The following NLRP13 variants were observed in gnomAD, a reference collection of about 807,000 sequenced individuals.
NLRP13 encodes the protein NLR family pyrin domain containing 13, also known as NACHT, LRR and PYD domains-containing protein 13.
A neutral mutation model predicts 94.4 loss-of-function variants in NLRP13; 82 were observed. The ratio of observed to expected loss-of-function variants is 0.87; its 90% confidence interval spans 0.73 to 1.04. NLRP13 has a LOEUF of 1.04. NLRP13 is among the 50% of genes least tolerant of loss of function. The pLI, the probability that NLRP13 is intolerant of heterozygous loss-of-function variation, is 0.00. For synonymous variants in NLRP13, 553 were observed against 464.7 expected, an observed-to-expected ratio of 1.19 and a Z score of -2.45; for missense variants, 1,426 against 1,230.8, an observed-to-expected ratio of 1.16 and a Z score of -2.37.
At chr19:55,923,852 C>T (rs1986901499) in intron 4 of NLRP13, 62 bp downstream of exon 4, 1 of 1,200,200 alleles carries the variant, frequency 8.3e-7, no homozygotes, top group Admixed American at 1.7e-5. Flanking sequence ...CTACTATGGA[C>T]CTAGTGAAAC....
At chr19:55,925,969 C>T (rs367978281) in intron 1 of NLRP13, among the ~76,000 whole-genome samples, 92 of 152,174 alleles carry the variant, frequency 6.0e-4, no homozygotes, top group Middle Eastern at 6.8e-3. Context: ...CTGAGCCCTA[C>T]GTCCACATAT....
At chr19:55,895,813 C>T (rs969465550), downstream of NLRP13, 48 of 952,262 alleles carry the variant, frequency 5.0e-5, 1 homozygote, top group Non-Finnish European at 2.4e-5. Context: ...CACTCCCACC[C>T]TTACTGGAAG....
In NLRP13 at chr19:55,910,618, C is replaced by T. The variant is rs1182012652; in HGVS notation, c.2227G>A (p.Val743Met). The change falls in exon 6 of 11, where the codon GTG becomes ATG. Residue 743 changes from valine to methionine, a missense_variant. Val to Met is a conservative substitution (Grantham distance 21). Coordinates refer to ENST00000342929, the MANE Select transcript of NLRP13 (RefSeq NM_176810.2). ...LSNSKLHASS[V>M]KGLCLALKNP... The stretch of plus-strand genomic sequence containing the variant: ...TTCAGTGCAAGACAGAGACCCTTCA[C>T]AGAGGAAGCATGAAGTTTGCTGTTA... The T allele has an allele frequency of 6.2e-7, 1 of 1,613,586 alleles. No individual in the cohort carries two copies. The highest frequency in any genetic ancestry group is 8.5e-7 in the Non-Finnish European group (1 of 1,179,672).
In NLRP13 at chr19:55,928,468, G is replaced by GAC. The variant is rs563152824; in HGVS notation, c.320-3435_320-3434dup. ...AACAGGATAAATGCTTGAGGTGATG[G>GAC]ACACACTCCATTTACCCCTGTGACT... is the stretch of plus-strand genomic sequence containing the variant. On this transcript the variant is annotated intron_variant, in intron 1 of 10. Transcript: ENST00000342929. Among the ~76,000 whole-genome samples, 8 of 152,126 alleles carry GAC rather than the reference G, an allele frequency of 5.3e-5. No homozygotes were observed. In the South Asian group the frequency reaches 1.2e-3, roughly 24 times the overall value.
intron 5 of NLRP13, 47 bp downstream of exon 5, chr19:55,911,659 T>G: frequency 4.4e-5 from 66 of 1,508,800 alleles, no homozygotes; most frequent in Non-Finnish European, 5.5e-5. Flanking sequence ...GCACAGAGCC[T>G]GAGAAAACAG....
intron 4 of NLRP13, among the ~76,000 whole-genome samples, chr19:55,915,235 G>T (rs1986647270): frequency 6.6e-6 from 1 of 152,144 alleles, no homozygotes; most frequent in Non-Finnish European, 1.5e-5. Flanking sequence ...AGTAAGTGTT[G>T]TGGATTAAGG....
chr19:55,912,253 G>A lies in NLRP13; in HGVS notation c.1564C>T (p.Leu522Phe), dbSNP rs1206944361. ...FIDSLYEFNI[L>F]QKINDCGGCT... ...CCCCCACAGTCATTGATCTTTTGAA[G>A]AATATTGAACTCGTAGAGAGAATCA... Residue 522 changes from leucine (L) to phenylalanine (F), a missense_variant, in exon 5 of 11, where the codon CTT (leucine) becomes TTT (phenylalanine). Leu to Phe is a conservative substitution (Grantham distance 22). Coordinates refer to ENST00000342929, the MANE Select transcript of NLRP13 (RefSeq NM_176810.2). The A allele has an allele frequency of 4.3e-6, 7 of 1,614,110 alleles. No individual in the cohort carries two copies. Among genetic ancestry groups the A allele is most frequent in the Non-Finnish European group, 5.9e-6 (7 of 1,179,998 alleles).
chr19:55,897,502 T>C (rs1046865910), intron 10 of NLRP13, among the ~76,000 whole-genome samples: 3 of 151,900 alleles, frequency 2.0e-5, no homozygotes, highest in Non-Finnish European at 4.4e-5. Flanking sequence ...TGAGACCCCA[T>C]CAAAACAAAC....
intron 10 of NLRP13, among the ~76,000 whole-genome samples, chr19:55,897,270 A>C (rs530487725): frequency 6.6e-6 from 1 of 152,222 alleles, no homozygotes; most frequent in African/African-American, 2.4e-5. Flanking sequence ...AGTAATCCCA[A>C]CACTTTGGGA....
chr19:55,921,346 C>G (rs953753617), intron 4 of NLRP13, among the ~76,000 whole-genome samples: 2 of 152,122 alleles, frequency 1.3e-5, no homozygotes, highest in African/African-American at 2.4e-5. Flanking sequence ...CCCACAATAT[C>G]ATAACGGATG....
Position 55,910,654 on chromosome 19 carries a change from G to C in NLRP13, c.2191C>G (p.Leu731Val). 6.2e-7 allele frequency: 1 copy of C among 1,613,978 alleles called. No homozygotes were observed. ...TGAAGTTTGCTGTTACTCAGGTCTA[G>C]CTCATGCAGATTCTCATTTGTGACC... The part of the protein sequence containing the change: ...TLVTNENLHE[L>V]DLSNSKLHAS... The change falls in exon 6 of 11, where the codon CTA becomes GTA. Residue 731 changes from leucine to valine, a missense_variant. Transcript: ENST00000342929.
chr19:55,929,766 A>G (rs1987062512), intron 1 of NLRP13, among the ~76,000 whole-genome samples: 2 of 152,240 alleles, frequency 1.3e-5, no homozygotes, highest in Admixed American at 1.3e-4. Flanking sequence ...TAAAACTTGA[A>G]GTATAATAAA....
chr19:55,904,242 T>C (rs781546594), intron 8 of NLRP13, among the ~76,000 whole-genome samples: 1 of 152,062 alleles, frequency 6.6e-6, no homozygotes. Context: ...ATAGGCACCA[T>C]GCCCGACTAA....
intron 7 of NLRP13, 50 bp downstream of exon 7, chr19:55,907,742 C>T: frequency 6.3e-7 from 1 of 1,583,736 alleles, no homozygotes; most frequent in Non-Finnish European, 8.7e-7. Context: ...GTGGAAGCTA[C>T]TGGTGGTCTT....
rs1267579342 is a variant in NLRP13 at position 55,924,586 on chromosome 19, A to T, written c.457+4T>A. 6.2e-7 allele frequency: 1 copy of T among 1,609,698 alleles called. No homozygotes were observed. Among genetic ancestry groups the T allele is most frequent in the Non-Finnish European group, 8.5e-7 (1 of 1,176,084 alleles). On this transcript the variant is annotated splice_donor_region_variant and intron_variant, in intron 3 of 10. Coordinates refer to ENST00000342929, the MANE Select transcript of NLRP13 (RefSeq NM_176810.2). ...GTCAATTATCAACCAAGTAATGTAC[A>T]CACCTGTTTCTTCTTCTAGCTCGTC...
At chr19:55,906,354 A>AAAAAAAAG (rs1986349741) in intron 7 of NLRP13, among the ~76,000 whole-genome samples, 1 of 150,208 alleles carries the variant, frequency 6.7e-6, no homozygotes, top group Non-Finnish European at 1.5e-5. Flanking sequence ...AAAAAAAAAA[A>AAAAAAAAG]GACAGATGAT....
chr19:55,923,637 C>G (rs561038440), intron 4 of NLRP13, among the ~76,000 whole-genome samples: 1 of 152,198 alleles, frequency 6.6e-6, no homozygotes, highest in Admixed American at 6.5e-5. Context: ...TAGCACCCTC[C>G]TCAGTATCTG....
chr19:55,924,719 A>C, intron 2 of NLRP13, 61 bp from the exon 3 acceptor site: 2 of 1,456,354 alleles, frequency 1.4e-6, no homozygotes, highest in Non-Finnish European at 1.9e-6. Flanking sequence ...GGCCAGCAAT[A>C]ATGGAAGCCC....
chr19:55,919,079 A>G (rs556873201), intron 4 of NLRP13, among the ~76,000 whole-genome samples: 4 of 152,332 alleles, frequency 2.6e-5, no homozygotes, highest in South Asian at 4.1e-4. Context: ...TCACAAATCA[A>G]TAAATGTGAT....
Sources: allele counts gnomAD v4.1 joint callset (sites outside exome capture counted in the v4.1 genomes callset), GRCh38; gene constraint gnomAD v4.1.1; transcripts MANE v1.5; gene names NCBI Gene and HGNC (gene_info 2026-07-23, HGNC 2026-07-21).